TCERG1: variants seen among roughly 807,000 people sequenced by gnomAD.
TCERG1 encodes the protein TATA box binding protein (TBP)-associated factor, RNA polymerase II, S, 150kD.
TCERG1 carries 37 observed loss-of-function variants against 144.7 expected under a neutral mutation model. That is an observed-to-expected ratio of 0.26 (90% CI 0.20 to 0.34). The LOEUF is 0.34. TCERG1 is among the 10% of genes least tolerant of loss of function. The probability of loss-of-function intolerance (pLI) is 1.00; values close to 1 mark genes in which losing one functional copy is unlikely to be tolerated. For synonymous variants in TCERG1, 492 were observed against 458.2 expected (o/e 1.07, Z -0.94); for missense variants, 1,027 against 1,380.7 (o/e 0.74, Z 4.06).
intron 19 of TCERG1, chr5:146,504,537 A>G (rs1295599611): frequency 6.6e-6 from 1 of 152,268 alleles, no homozygotes; most frequent in Non-Finnish European, 1.5e-5. Context: ...ACCCTAGACT[A>G]CCGTCCTACT....
chr5:146,503,589 G>C, intron 18 of TCERG1, 50 bp downstream of exon 18: 1 of 1,585,428 alleles, frequency 6.3e-7, no homozygotes, highest in Non-Finnish European at 8.6e-7. Flanking sequence ...TACAATTCTT[G>C]TGTTTAAGGG....
At chr5:146,482,571 C>A in intron 13 of TCERG1, 21 bp from the exon 14 acceptor site, 1 of 1,581,332 alleles carries the variant, frequency 6.3e-7, no homozygotes, top group Non-Finnish European at 8.6e-7. Context: ...CAGTTGATGT[C>A]TTATATTTTA....
At chr5:146,458,097 C>G (rs1233985656) in intron 3 of TCERG1, among the ~76,000 whole-genome samples, 2 of 151,994 alleles carry the variant, frequency 1.3e-5, no homozygotes, top group African/African-American at 4.8e-5. Flanking sequence ...TAATCCCACC[C>G]GCCTTGGCCT....
chr5:146,497,672 G>T (rs539657313), intron 16 of TCERG1, among the ~76,000 whole-genome samples: 1 of 152,198 alleles, frequency 6.6e-6, no homozygotes, highest in Non-Finnish European at 1.5e-5. Context: ...TTTATTTACT[G>T]GTTGCCACCT....
intron 7 of TCERG1, 106 bp from the exon 8 acceptor site, chr5:146,470,530 C>A: frequency 3.4e-6 from 3 of 881,970 alleles, no homozygotes; most frequent in Non-Finnish European, 5.1e-6. Context: ...ATTTTATCTT[C>A]ATGGTTAATA....
intron 19 of TCERG1, among the ~76,000 whole-genome samples, chr5:146,505,103 AAAG>A (rs1179151594): frequency 1.3e-5 from 2 of 151,758 alleles, no homozygotes; most frequent in Non-Finnish European, 2.9e-5. Flanking sequence ...AAAAAAAAAA[AAAG>A]GACAAAAACA....
intron 15 of TCERG1, among the ~76,000 whole-genome samples, chr5:146,486,531 TTC>T (rs1209111791): frequency 6.6e-6 from 1 of 152,218 alleles, no homozygotes; most frequent in Non-Finnish European, 1.5e-5. Context: ...TTAAAATAAG[TTC>T]TCTCTTATCT....
At chr5:146,466,825 A>G (rs1448965983) in intron 5 of TCERG1, among the ~76,000 whole-genome samples, 2 of 152,200 alleles carry the variant, frequency 1.3e-5, no homozygotes, top group Non-Finnish European at 2.9e-5. Flanking sequence ...TTTCTTCTGC[A>G]TAAGTTGTAT....
intron 16 of TCERG1, among the ~76,000 whole-genome samples, chr5:146,493,931 T>C (rs1039185190): frequency 3.3e-5 from 5 of 152,140 alleles, no homozygotes; most frequent in African/African-American, 1.2e-4. Flanking sequence ...GTTCATCTTA[T>C]ATAAATAGTT....
chr5:146,509,841 A>G (rs978174643), intron 22 of TCERG1, among the ~76,000 whole-genome samples: 8 of 152,240 alleles, frequency 5.3e-5, no homozygotes, highest in Non-Finnish European at 1.2e-4. Context: ...CTTACCAGTC[A>G]GTATGCAGGA....
rs1467276160 is a variant in TCERG1 at position 146,507,166 on chromosome 5, A to G, written c.2920A>G (p.Lys974Glu). 1 of 1,608,060 alleles carries G rather than the reference A, an allele frequency of 6.2e-7. No individual in the cohort carries two copies. The highest frequency in any genetic ancestry group is 8.5e-7 in the Non-Finnish European group (1 of 1,178,526). The change falls in exon 20 of 23, where the codon AAG becomes GAG. Residue 974 changes from lysine (K) to glutamate (E), a missense_variant. By Grantham distance (56) the Lys-to-Glu change is moderately conservative (BLOSUM62 1). Coordinates refer to ENST00000679501, the MANE Select transcript of TCERG1 (RefSeq NM_001382548.1). The surrounding 1 kb of genome is among the most constrained non-coding windows in gnomAD (Gnocchi z 4.6). ...ACACATTGAAGCACTTACCAAAAAAAAGAGAGAGCACTTTAGGCAACTTCT... is the reference window on the plus strand; with the variant it reads ...ACACATTGAAGCACTTACCAAAAAAGAGAGAGAGCACTTTAGGCAACTTCT... ...NEHIEALTKKKREHFRQLLDE... is the reference protein window; with the variant it reads ...NEHIEALTKKEREHFRQLLDE...
intron 17 of TCERG1, chr5:146,503,015 T>C (rs1035068419): frequency 6.6e-6 from 1 of 152,464 alleles, no homozygotes; most frequent in African/African-American, 2.4e-5. Flanking sequence ...TAAAAAGAAA[T>C]GCAGCTCGAT....
chr5:146,459,999 G>A (rs1763199141), intron 4 of TCERG1, among the ~76,000 whole-genome samples: 1 of 152,174 alleles, frequency 6.6e-6, no homozygotes, highest in African/African-American at 2.4e-5. Context: ...TATAAATGCA[G>A]TATTTTGGAG....
At chr5:146,469,972 A>G (rs1344040277) in intron 7 of TCERG1, among the ~76,000 whole-genome samples, 2 of 152,188 alleles carry the variant, frequency 1.3e-5, no homozygotes, top group Non-Finnish European at 2.9e-5. Flanking sequence ...ATATGTACGT[A>G]CATATGTATG....
At chr5:146,475,532 A>T (rs1400545138) in intron 9 of TCERG1, among the ~76,000 whole-genome samples, 1 of 152,224 alleles carries the variant, frequency 6.6e-6, no homozygotes, top group Non-Finnish European at 1.5e-5. Context: ...CTAGCCCAAT[A>T]TGTCAGCAGT....
intron 22 of TCERG1, 159 bp from the exon 23 acceptor site, chr5:146,510,282 G>T (rs1285806538): frequency 2.9e-6 from 2 of 688,982 alleles, no homozygotes; most frequent in Non-Finnish European, 4.5e-6. Flanking sequence ...TTGCTGAGGC[G>T]ACTTACAAAG....
intron 16 of TCERG1, 100 bp from the exon 17 acceptor site, chr5:146,498,436 C>G (rs1376709485): frequency 5.3e-6 from 7 of 1,311,274 alleles, no homozygotes; most frequent in Non-Finnish European, 7.2e-6. Flanking sequence ...CCCAGTGTCT[C>G]TTTGTCATAT....
chr5:146,455,455 T>G (rs187803172), intron 2 of TCERG1, among the ~76,000 whole-genome samples, 174 bp downstream of exon 2: 1 of 152,358 alleles, frequency 6.6e-6, no homozygotes, highest in Non-Finnish European at 1.5e-5. Context: ...CAGTAATTAC[T>G]ATGGAAATTC....
chr5:146,494,539 G>A (rs1210149730), intron 16 of TCERG1, among the ~76,000 whole-genome samples: 1 of 152,090 alleles, frequency 6.6e-6, no homozygotes, highest in Non-Finnish European at 1.5e-5. Flanking sequence ...AAAATGAAAC[G>A]ATCAGGCACT....
Sources: allele counts gnomAD v4.1 joint callset (sites outside exome capture counted in the v4.1 genomes callset), GRCh38; gene constraint gnomAD v4.1.1; non-coding constraint Gnocchi (gnomAD v3.1); transcripts MANE v1.5; gene names NCBI Gene and HGNC (gene_info 2026-07-23, HGNC 2026-07-21).